RALGAPA2: variants seen among roughly 807,000 people sequenced by gnomAD.
The protein encoded by RALGAPA2 is ral GTPase-activating protein subunit alpha-2.
In RALGAPA2, 139 loss-of-function variants were observed where a neutral mutation model predicts 230.4. That is an observed-to-expected ratio of 0.60 (90% CI 0.53 to 0.69). RALGAPA2 has a LOEUF of 0.69. Ranked by LOEUF, RALGAPA2 falls within the 30% of genes least tolerant of loss-of-function variation. The probability of loss-of-function intolerance (pLI) is 0.00; values close to 1 mark genes in which losing one functional copy is unlikely to be tolerated. For synonymous variants in RALGAPA2, 847 were observed against 837.8 expected (o/e 1.01, Z -0.19); for missense variants, 2,163 against 2,276.0 (o/e 0.95, Z 1.01).
intron 20 of RALGAPA2, among the ~76,000 whole-genome samples, chr20:20,573,479 C>T (rs2064715314): frequency 6.6e-6 from 1 of 152,136 alleles, no homozygotes; most frequent in African/African-American, 2.4e-5. Flanking sequence ...CAAGAAATTT[C>T]CATCCCTTTC....
chr20:20,546,899 T>C (rs2063788443), intron 23 of RALGAPA2, 67 bp from the exon 24 acceptor site: 3 of 1,457,108 alleles, frequency 2.1e-6, no homozygotes, highest in Non-Finnish European at 2.7e-6. Flanking sequence ...GTAGTGTTTG[T>C]AGTGGTACAT....
intron 4 of RALGAPA2, among the ~76,000 whole-genome samples, chr20:20,645,854 TA>T (rs2067194187): frequency 6.6e-6 from 1 of 152,144 alleles, no homozygotes; most frequent in African/African-American, 2.4e-5. Flanking sequence ...TTAAACGAGT[TA>T]ATACATATAA....
intron 27 of RALGAPA2, among the ~76,000 whole-genome samples, chr20:20,529,816 C>T (rs570071001): frequency 1.3e-5 from 2 of 152,132 alleles, no homozygotes; most frequent in Admixed American, 6.5e-5. Flanking sequence ...CATCACTATG[C>T]GATGCGTGAC....
chr20:20,576,923 TCTAA>T (rs1157267276), intron 20 of RALGAPA2, among the ~76,000 whole-genome samples: 9 of 152,306 alleles, frequency 5.9e-5, no homozygotes, highest in South Asian at 2.1e-4. Flanking sequence ...TTAGTTGTCT[TCTAA>T]CTATTATTTG....
chr20:20,419,469 G>C (rs1171089259), intron 37 of RALGAPA2, among the ~76,000 whole-genome samples: 1 of 152,102 alleles, frequency 6.6e-6, no homozygotes, highest in Non-Finnish European at 1.5e-5. Context: ...AAAAGAGACA[G>C]TACTATTTTT....
intron 1 of RALGAPA2, among the ~76,000 whole-genome samples, chr20:20,693,980 T>C (rs918890229): frequency 6.6e-6 from 1 of 152,082 alleles, no homozygotes; most frequent in East Asian, 1.9e-4. Flanking sequence ...GGCGTGTGCC[T>C]GTAGTCCCAA....
chr20:20,630,332 C>T (rs1474169333), intron 9 of RALGAPA2, among the ~76,000 whole-genome samples: 1 of 152,048 alleles, frequency 6.6e-6, no homozygotes, highest in East Asian at 1.9e-4. Flanking sequence ...TTTTAAGTGT[C>T]AAAAATATAT....
At chr20:20,418,916 A>ATTTT (rs1282608422) in intron 37 of RALGAPA2, among the ~76,000 whole-genome samples, 1 of 151,824 alleles carries the variant, frequency 6.6e-6, no homozygotes, top group Non-Finnish European at 1.5e-5. Context: ...TTTTTAAAAT[A>ATTTT]TTTTCTAGCA....
chr20:20,640,639 A>T (rs775845558), intron 6 of RALGAPA2, 62 bp downstream of exon 6: 8 of 1,457,480 alleles, frequency 5.5e-6, no homozygotes, highest in Non-Finnish European at 7.5e-6. Context: ...TGAAAAAGTA[A>T]GAATTCCTCA....
intron 37 of RALGAPA2, among the ~76,000 whole-genome samples, chr20:20,414,578 G>C (rs1251073635): frequency 6.6e-6 from 1 of 152,016 alleles, no homozygotes; most frequent in Non-Finnish European, 1.5e-5. Flanking sequence ...GCTTGTTCTT[G>C]TCATAAGCTT....
In RALGAPA2 at chr20:20,437,342, C is replaced by T. The variant is rs1312363363; in HGVS notation, c.5496-25194G>A. ...AGAACCTGACCACTTGTCACCACCA[C>T]ACGCCACCATCCAGGCCACGCCATT... On this transcript the variant is annotated intron_variant, in intron 37 of 39. Transcript: ENST00000202677. This position sits in a 1 kb window ranked among gnomAD's most constrained non-coding sequence, Gnocchi z 4.1. Among the ~76,000 whole-genome samples, 1 of 152,176 alleles carries T rather than the reference C, an allele frequency of 6.6e-6. No individual in the cohort carries two copies.
chr20:20,620,208 C>A (rs1358471310), intron 11 of RALGAPA2, among the ~76,000 whole-genome samples: 1 of 152,180 alleles, frequency 6.6e-6, no homozygotes, highest in Non-Finnish European at 1.5e-5. Context: ...AACTCTCCTG[C>A]AACAGTGACC....
At chr20:20,587,997 T>G (rs2065180731) in intron 18 of RALGAPA2, among the ~76,000 whole-genome samples, 1 of 151,626 alleles carries the variant, frequency 6.6e-6, no homozygotes, top group East Asian at 1.9e-4. Flanking sequence ...TTGGCAAGAA[T>G]GAAGATGAAT....
At chr20:20,610,853 C>T (rs1018255028) in intron 14 of RALGAPA2, among the ~76,000 whole-genome samples, 1 of 152,184 alleles carries the variant, frequency 6.6e-6, no homozygotes, top group Non-Finnish European at 1.5e-5. Flanking sequence ...ACCCAGGATA[C>T]ACACTCCTCT....
intron 23 of RALGAPA2, among the ~76,000 whole-genome samples, chr20:20,568,232 AG>A: frequency 6.6e-6 from 1 of 152,220 alleles, no homozygotes; most frequent in East Asian, 1.9e-4. Context: ...TTCATTGTCA[AG>A]GAAAAAATAA....
At chr20:20,422,318 G>T (rs548267029) in intron 37 of RALGAPA2, among the ~76,000 whole-genome samples, 1 of 152,100 alleles carries the variant, frequency 6.6e-6, no homozygotes, top group Non-Finnish European at 1.5e-5. Context: ...ATGCCCCCAG[G>T]CTGGGTGCAA....
chr20:20,641,999 G>A (rs73294792), intron 5 of RALGAPA2, among the ~76,000 whole-genome samples: 1,650 of 151,096 alleles, frequency 0.011, 29 homozygotes, highest in African/African-American at 0.038. Context: ...CACAGTCCTG[G>A]ACTCCACCAC....
At chr20:20,628,229 C>CCAAA (rs1292898518) in intron 10 of RALGAPA2, among the ~76,000 whole-genome samples, 1 of 151,958 alleles carries the variant, frequency 6.6e-6, no homozygotes, top group African/African-American at 2.4e-5. Context: ...AGTGAGAGGG[C>CCAAA]CAAACATTCA....
intron 37 of RALGAPA2, among the ~76,000 whole-genome samples, chr20:20,423,378 C>T (rs896597995): frequency 2.0e-5 from 3 of 152,080 alleles, no homozygotes; most frequent in Non-Finnish European, 4.4e-5. Flanking sequence ...GGAACCACCC[C>T]CACCCCCACC....
Sources: gnomAD v4.1 joint callset for allele counts (sites outside exome capture counted in the v4.1 genomes callset) on GRCh38, gnomAD v4.1.1 for gene constraint, Gnocchi (gnomAD v3.1) non-coding constraint, MANE v1.5 for transcripts, NCBI Gene and HGNC (gene_info 2026-07-23, HGNC 2026-07-21) for gene names.